The following GRIA2 variants were observed in gnomAD, a reference collection of about 807,000 sequenced individuals.
GRIA2 encodes glutamate receptor 2.
GRIA2 carries 14 observed loss-of-function variants against 97.3 expected under a neutral mutation model. That is an observed-to-expected ratio of 0.14 (90% CI 0.10 to 0.23). The LOEUF is 0.23. Among genes scored for constraint, GRIA2 ranks in the 10% least tolerant of loss-of-function variants. The pLI, the probability that GRIA2 is intolerant of heterozygous loss-of-function variation, is 1.00. For missense variants in GRIA2, 558 were observed against 1,069.8 expected (o/e 0.52, Z 6.67); for synonymous variants, 412 against 387.8 (o/e 1.06, Z -0.73).
chr4:157,280,053 A>G (rs1732525731), intron 2 of GRIA2, among the ~76,000 whole-genome samples: 1 of 152,124 alleles, frequency 6.6e-6, no homozygotes, highest in Admixed American at 6.6e-5. Context: ...TGAACCTGGG[A>G]GGCAGAGGTT....
At chr4:157,316,863 G>T (rs1394266039) in intron 4 of GRIA2, among the ~76,000 whole-genome samples, 1 of 152,178 alleles carries the variant, frequency 6.6e-6, no homozygotes, top group Non-Finnish European at 1.5e-5. Context: ...CCTGTACCAG[G>T]ACTAAAGCAT....
At position 157,361,436 on chromosome 4, in the gene GRIA2, C is replaced by T; in HGVS notation, c.2406+312C>T. The T allele has an allele frequency of 1.1e-6, 1 of 905,560 alleles. No individual in the cohort carries two copies. Among genetic ancestry groups the T allele is most frequent in the Non-Finnish European group, 1.7e-6 (1 of 573,488 alleles). 56.1% of individuals were successfully genotyped at this position (905,560 alleles called of 1,614,324 possible). A position where few individuals can be genotyped will look rare whatever the true frequency, so the allele number is the denominator to read the frequency against. On this transcript the variant is annotated intron_variant, in intron 14 of 15. Coordinates refer to ENST00000264426, the MANE Select transcript of GRIA2 (RefSeq NM_001083619.3). This position sits in a 1 kb window ranked among gnomAD's most constrained non-coding sequence, Gnocchi z 5.2. ...TACCGTTTGCTTAGGCCAAATGGCG[C>T]ATCAATGACTATCGCTCTTACAAAG...
intron 12 of GRIA2, among the ~76,000 whole-genome samples, chr4:157,354,820 T>C (rs1311040838): frequency 6.6e-6 from 1 of 152,188 alleles, no homozygotes; most frequent in Non-Finnish European, 1.5e-5. Flanking sequence ...GGAAGGATTC[T>C]GTCAGGACTT....
At chr4:157,310,533 T>G (rs1046408678) in intron 3 of GRIA2, among the ~76,000 whole-genome samples, 2 of 152,082 alleles carry the variant, frequency 1.3e-5, no homozygotes, top group Admixed American at 1.3e-4. Context: ...TATCTCTTTT[T>G]TTCCCTGCAA....
intron 2 of GRIA2, among the ~76,000 whole-genome samples, chr4:157,290,622 T>G (rs1346002880): frequency 2.0e-5 from 3 of 151,890 alleles, no homozygotes; most frequent in Non-Finnish European, 4.4e-5. Context: ...CGATGCTGAC[T>G]TACTTTATAT....
intron 6 of GRIA2, among the ~76,000 whole-genome samples, chr4:157,322,240 A>T (rs1451526827): frequency 1.7e-5 from 2 of 120,470 alleles, no homozygotes; most frequent in African/African-American, 6.6e-5. Context: ...AGAGAGAGAG[A>T]GAGTGTGTGT....
rs542510983 is a variant in GRIA2 at position 157,363,596 on chromosome 4, G to A, written c.*165G>A. On this transcript the variant is annotated 3_prime_UTR_variant, in exon 16 of 16. Coordinates refer to ENST00000264426, the MANE Select transcript of GRIA2 (RefSeq NM_001083619.3). Reference sequence around the variant, plus strand: ...TGAATGTCAGTGTGACTGATCTCTCGTGATTGATAAGAACCTTTTGAGTGC... The same window carrying A: ...TGAATGTCAGTGTGACTGATCTCTCATGATTGATAAGAACCTTTTGAGTGC... 3.3e-5 allele frequency: 41 copies of A among 1,232,368 alleles called. No individual in the cohort carries two copies. In the South Asian group the frequency reaches 5.7e-4, roughly 17 times the overall value. 76.3% of individuals were successfully genotyped at this position (1,232,368 alleles called of 1,614,324 possible).
At position 157,364,951 on chromosome 4, in the gene GRIA2, A is replaced by G. The variant is rs749913990; in HGVS notation, c.*1520A>G. 1 of 151,704 alleles carries G rather than the reference A, an allele frequency of 6.6e-6. No homozygotes were observed. Among genetic ancestry groups the G allele is most frequent in the Non-Finnish European group, 1.5e-5 (1 of 67,726 alleles). 9.4% of individuals were successfully genotyped at this position (151,704 alleles called of 1,614,324 possible). A position where few individuals can be genotyped will look rare whatever the true frequency, so the allele number is the denominator to read the frequency against. On this transcript the variant is annotated 3_prime_UTR_variant, in exon 16 of 16. Coordinates refer to ENST00000264426, the MANE Select transcript of GRIA2 (RefSeq NM_001083619.3). ...TCTAGTTAATGAATTTAAAGGATCT[A>G]TCTTTCCCTTCATAAAATACCTCTT...
At chr4:157,295,863 A>G (rs1487593373) in intron 2 of GRIA2, among the ~76,000 whole-genome samples, 1 of 152,166 alleles carries the variant, frequency 6.6e-6, no homozygotes, top group Non-Finnish European at 1.5e-5. Context: ...TTAGGGGAAT[A>G]AATGTCACTT....
chr4:157,280,238 A>T (rs1280443091), intron 2 of GRIA2, among the ~76,000 whole-genome samples: 2 of 152,128 alleles, frequency 1.3e-5, no homozygotes, highest in Non-Finnish European at 1.5e-5. Flanking sequence ...GAAGACGAAT[A>T]CCCTTATTAA....
intron 2 of GRIA2, among the ~76,000 whole-genome samples, chr4:157,276,888 T>A (rs773714487): frequency 2.6e-5 from 4 of 151,936 alleles, no homozygotes; most frequent in Admixed American, 6.6e-5. Flanking sequence ...TGAATAAACC[T>A]ATGTCTATTA....
At chr4:157,303,503 G>A (rs1372835709) in intron 2 of GRIA2, 49 bp from the exon 3 acceptor site, 4 of 1,556,922 alleles carry the variant, frequency 2.6e-6, no homozygotes, top group African/African-American at 2.7e-5. Context: ...TCATATGATT[G>A]TGTGCCAATT....
chr4:157,243,317 T>G (rs1480273787), intron 2 of GRIA2, among the ~76,000 whole-genome samples: 1 of 152,128 alleles, frequency 6.6e-6, no homozygotes, highest in African/African-American at 2.4e-5. Flanking sequence ...TTTATTTATT[T>G]TAGAAATCTG....
Position 157,336,763 on chromosome 4 carries a change from G to A in GRIA2, c.1844+16G>A. The A allele has an allele frequency of 6.3e-7, 1 of 1,599,884 alleles. No homozygotes were observed. The highest frequency in any genetic ancestry group is 8.5e-7 in the Non-Finnish European group (1 of 1,172,498). On this transcript the variant is annotated intron_variant, in intron 11 of 15. Coordinates refer to ENST00000264426, the MANE Select transcript of GRIA2 (RefSeq NM_001083619.3). ...TTTCGCCAAGGTTGGTTACTCACCT[G>A]CTTCAACTTTGTGCATTTCAGGTCT...
At position 157,303,491 on chromosome 4, in the gene GRIA2, A is replaced by G. The variant is rs1361568774; in HGVS notation, c.230-61A>G. On this transcript the variant is annotated intron_variant, in intron 2 of 15. Transcript: ENST00000264426. ...TAAAAGGACATTACGTTTTAAGCAAATTCATATGATTGTGTGCCAATTTCA... is the reference window on the plus strand; with the variant it reads ...TAAAAGGACATTACGTTTTAAGCAAGTTCATATGATTGTGTGCCAATTTCA... 6.2e-6 allele frequency: 9 copies of G among 1,460,996 alleles called. No homozygotes were observed. In the East Asian group the frequency reaches 2.1e-4, roughly 33 times the overall value. 90.5% of individuals were successfully genotyped at this position (1,460,996 alleles called of 1,614,324 possible). A position where few individuals can be genotyped will look rare whatever the true frequency, so the allele number is the denominator to read the frequency against.
intron 11 of GRIA2, among the ~76,000 whole-genome samples, chr4:157,337,709 A>G (rs2126942649): frequency 6.6e-6 from 1 of 152,002 alleles, no homozygotes; most frequent in African/African-American, 2.4e-5. Context: ...ACAAGTGATT[A>G]ATTTAAGAAA....
At chr4:157,304,640 C>A (rs913217010) in intron 3 of GRIA2, among the ~76,000 whole-genome samples, 1 of 152,088 alleles carries the variant, frequency 6.6e-6, no homozygotes, top group African/African-American at 2.4e-5. Flanking sequence ...AAAGTCAAAG[C>A]GGTGAGGGAC....
At chr4:157,300,634 G>T (rs1733573160) in intron 2 of GRIA2, among the ~76,000 whole-genome samples, 1 of 152,134 alleles carries the variant, frequency 6.6e-6, no homozygotes, top group African/African-American at 2.4e-5. Context: ...TTGAGTAAGT[G>T]CAATGAAGAA....
chr4:157,225,495 A>G (rs945771668), intron 2 of GRIA2, among the ~76,000 whole-genome samples: 7 of 152,082 alleles, frequency 4.6e-5, no homozygotes, highest in African/African-American at 1.7e-4. Context: ...ATCTGAGATT[A>G]GTATCTGATG....
Sources: gnomAD v4.1 joint callset for allele counts (sites outside exome capture counted in the v4.1 genomes callset) on GRCh38, gnomAD v4.1.1 for gene constraint, Gnocchi (gnomAD v3.1) non-coding constraint, MANE v1.5 for transcripts, NCBI Gene and HGNC (gene_info 2026-07-23, HGNC 2026-07-21) for gene names.